Variants in KNL1 observed in about 807,000 individuals in gnomAD.
KNL1 encodes kinetochore scaffold 1, also known as outer kinetochore KNL1 complex subunit KNL1.
Under a neutral mutation model 201.3 loss-of-function variants are expected in KNL1, and 66 were observed. That is an observed-to-expected ratio of 0.33 (90% CI 0.27 to 0.40). KNL1 has a LOEUF of 0.40. Ranked by LOEUF, KNL1 falls within the 10% of genes least tolerant of loss-of-function variation. The probability of loss-of-function intolerance (pLI) is 1.00; values close to 1 mark genes in which losing one functional copy is unlikely to be tolerated. For missense variants in KNL1, 2,815 were observed against 2,690.5 expected, an observed-to-expected ratio of 1.05 and a Z score of -1.02; for synonymous variants, 895 against 899.2, an observed-to-expected ratio of 1.00 and a Z score of 0.08.
intron 19 of KNL1, among the ~76,000 whole-genome samples, chr15:40,650,874 A>G (rs1893535833): frequency 6.6e-6 from 1 of 152,170 alleles, no homozygotes. Flanking sequence ...TGAAGTATAT[A>G]TTTCTTAGGC....
intron 13 of KNL1, among the ~76,000 whole-genome samples, chr15:40,632,829 G>C (rs1892951137): frequency 1.3e-5 from 2 of 151,934 alleles, no homozygotes; most frequent in Admixed American, 1.3e-4. Flanking sequence ...AGACCAGCCT[G>C]GGCAACATAG....
At chr15:40,617,010 G>A (rs1242913929) in intron 8 of KNL1, among the ~76,000 whole-genome samples, 1 of 152,126 alleles carries the variant, frequency 6.6e-6, no homozygotes, top group Non-Finnish European at 1.5e-5. Context: ...GTGAGGTGGT[G>A]CGATCTTGGC....
In KNL1 at chr15:40,645,213, G is replaced by A. The variant is rs1893350362; in HGVS notation, c.5889+126G>A. ...TTAACTTATTTTTTAAGTGTAATGT[G>A]GTACCAAGGTCTTATTTAATTACAC... is the stretch of plus-strand genomic sequence containing the variant. On this transcript the variant is annotated intron_variant, in intron 15 of 25. Coordinates refer to ENST00000399668, the MANE Select transcript of KNL1 (RefSeq NM_144508.5). 2 of 582,364 alleles carry A rather than the reference G, an allele frequency of 3.4e-6. 1 individual carries two copies. The highest frequency in any genetic ancestry group is 6.1e-6 in the Non-Finnish European group (2 of 329,930). 36.1% of individuals were successfully genotyped at this position (582,364 alleles called of 1,614,324 possible). A position where few individuals can be genotyped will look rare whatever the true frequency, so the allele number is the denominator to read the frequency against.
chr15:40,612,483 C>G (rs1294132695), intron 7 of KNL1, among the ~76,000 whole-genome samples: 1 of 151,804 alleles, frequency 6.6e-6, no homozygotes, highest in Non-Finnish European at 1.5e-5. Context: ...CAGAGCGAGA[C>G]TCTGTCTCCA....
chr15:40,646,854 C>G (rs1893402172), intron 16 of KNL1, 133 bp from the exon 17 acceptor site: 1 of 445,668 alleles, frequency 2.2e-6, no homozygotes, highest in Non-Finnish European at 4.0e-6. Context: ...GAGACTCCGC[C>G]TCAAAAAAAA....
intron 8 of KNL1, among the ~76,000 whole-genome samples, chr15:40,617,384 G>A (rs1199152671): frequency 1.3e-5 from 2 of 152,058 alleles, no homozygotes; most frequent in South Asian, 2.1e-4. Flanking sequence ...CAAACTAACT[G>A]CTCAGTCCAT....
chr15:40,606,337 C>A, intron 3 of KNL1, 56 bp from the exon 4 acceptor site: 1 of 1,053,472 alleles, frequency 9.5e-7, no homozygotes, highest in Non-Finnish European at 1.5e-6. Context: ...TTGAAATAAA[C>A]TGATTCTTAA....
chr15:40,618,578 A>T (rs1892418031), intron 8 of KNL1, among the ~76,000 whole-genome samples: 1 of 152,146 alleles, frequency 6.6e-6, no homozygotes, highest in South Asian at 2.1e-4. Context: ...TCACCACCAC[A>T]TTATAAAAAT....
At position 40,618,992 on chromosome 15, in the gene KNL1, C is replaced by T. The variant is rs530491587; in HGVS notation, c.356C>T (p.Thr119Ile). 56 of 1,605,296 alleles carry T rather than the reference C, an allele frequency of 3.5e-5. No individual in the cohort carries two copies. Among genetic ancestry groups the T allele is most frequent in the Non-Finnish European group, 4.5e-5 (53 of 1,173,142 alleles). ...MNTLLSAPIH[T>I]QMQQKEFSII... The stretch of plus-strand genomic sequence containing the variant: ...ACATTGCTTTCTGCTCCCATTCATA[C>T]CCAGATGCAACAGAAGGAGGTATGA... The change falls in exon 9 of 26, where the codon ACC (threonine) becomes ATC (isoleucine). Residue 119 changes from threonine to isoleucine, a missense_variant. Coordinates refer to ENST00000399668, the MANE Select transcript of KNL1 (RefSeq NM_144508.5).
In KNL1 at chr15:40,629,270, C is replaced by G; in HGVS notation, c.5584-3C>G. 1 of 1,562,052 alleles carries G rather than the reference C, an allele frequency of 6.4e-7. No homozygotes were observed. The highest frequency in any genetic ancestry group is 8.6e-7 in the Non-Finnish European group (1 of 1,161,124). On this transcript the variant is annotated splice_polypyrimidine_tract_variant and splice_region_variant and intron_variant, in intron 12 of 25. Transcript: ENST00000399668. ...TCATGCAAACTTTTTTTTCTTTTCTCAGAAACTCCAAGATGGGAGAATAAC... is the reference window on the plus strand; with the variant it reads ...TCATGCAAACTTTTTTTTCTTTTCTGAGAAACTCCAAGATGGGAGAATAAC...
intron 22 of KNL1, among the ~76,000 whole-genome samples, chr15:40,655,652 C>T (rs1046797413): frequency 4.0e-5 from 6 of 148,288 alleles, no homozygotes; most frequent in African/African-American, 1.2e-4. Context: ...TGGTGGCTCA[C>T]GCCTGTAATC....
intron 13 of KNL1, among the ~76,000 whole-genome samples, chr15:40,634,900 A>G (rs1013662749): frequency 6.6e-5 from 10 of 152,104 alleles, no homozygotes; most frequent in Non-Finnish European, 1.3e-4. Flanking sequence ...TGATAGGAAA[A>G]TATATCTGGG....
At chr15:40,618,864 T>C in intron 8 of KNL1, 95 bp from the exon 9 acceptor site, 1 of 743,152 alleles carries the variant, frequency 1.3e-6, no homozygotes, top group South Asian at 1.8e-5. Context: ...TGGTAAATTC[T>C]AGTAAATACT....
intron 1 of KNL1, among the ~76,000 whole-genome samples, chr15:40,599,175 GA>G (rs1291260238): frequency 4.0e-5 from 6 of 151,430 alleles, no homozygotes; most frequent in Non-Finnish European, 4.4e-5. Context: ...AAAATTAGCT[GA>G]GCATGGTGGC....
intron 1 of KNL1, 137 bp downstream of exon 1, chr15:40,594,529 C>CGCCCCT (rs1489141866): frequency 6.6e-6 from 1 of 152,296 alleles, no homozygotes; most frequent in African/African-American, 2.4e-5. Context: ...GCCGAGTAGA[C>CGCCCCT]GCCCCTGCCC....
intron 16 of KNL1, 116 bp downstream of exon 16, chr15:40,645,888 CTTAACAA>C (rs1172665751): frequency 9.5e-6 from 5 of 526,758 alleles, no homozygotes; most frequent in Non-Finnish European, 1.6e-5. Flanking sequence ...TGGGCAAAAA[CTTAACAA>C]TTAAGAGGTA....
intron 7 of KNL1, among the ~76,000 whole-genome samples, chr15:40,613,262 TGTGTGTATCTTCTC>T (rs1892231964): frequency 6.6e-6 from 1 of 152,152 alleles, no homozygotes; most frequent in Non-Finnish European, 1.5e-5. Context: ...CGTGTGTGTG[TGTGTGTATCTTCTC>T]GTGTGTGTAC....
intron 3 of KNL1, among the ~76,000 whole-genome samples, chr15:40,606,145 G>A (rs1210389712): frequency 6.6e-6 from 1 of 152,184 alleles, no homozygotes; most frequent in Non-Finnish European, 1.5e-5. Flanking sequence ...CCTAGAGTTG[G>A]TGTGGCATTC....
At chr15:40,652,704 A>G (rs1295994796) in intron 21 of KNL1, among the ~76,000 whole-genome samples, 1 of 146,936 alleles carries the variant, frequency 6.8e-6, no homozygotes, top group Non-Finnish European at 1.5e-5. Flanking sequence ...TGGAGGTTGC[A>G]GTGAGCCAAG....
Sources: allele counts gnomAD v4.1 joint callset (sites outside exome capture counted in the v4.1 genomes callset), GRCh38; gene constraint gnomAD v4.1.1; transcripts MANE v1.5; gene names NCBI Gene and HGNC (gene_info 2026-07-23, HGNC 2026-07-21).